The following IL1RAPL2 variants were observed in gnomAD, a reference collection of about 807,000 sequenced individuals.
IL1RAPL2 encodes X-linked interleukin-1 receptor accessory protein-like 2.
A neutral mutation model predicts 44.1 loss-of-function variants in IL1RAPL2; 3 were observed. The ratio of observed to expected loss-of-function variants is 0.07; its 90% CI spans 0.03 to 0.18. The LOEUF is 0.18. IL1RAPL2 is among the 10% of genes least tolerant of loss of function. The probability of loss-of-function intolerance (pLI) is 1.00; values close to 1 mark genes in which losing one functional copy is unlikely to be tolerated. For missense variants in IL1RAPL2, 391 were observed against 496.4 expected (o/e 0.79, Z 2.02); for synonymous variants, 181 against 178.8 (o/e 1.01, Z -0.10).
chrX:104,761,601 G>A (rs1411586189), intron 2 of IL1RAPL2, among the ~76,000 whole-genome samples: 1 of 111,502 alleles, frequency 9.0e-6, no homozygotes, highest in African/African-American at 3.3e-5. Flanking sequence ...AAAAGTCCAT[G>A]TCCAAAGTCT....
chrX:105,045,981 T>G (rs899290723), intron 2 of IL1RAPL2, among the ~76,000 whole-genome samples: 6 of 111,592 alleles, frequency 5.4e-5, no homozygotes, highest in African/African-American at 2.0e-4. Context: ...GTAATGACTA[T>G]GCAAAACATT....
intron 1 of IL1RAPL2, among the ~76,000 whole-genome samples, chrX:104,609,438 A>G (rs1929095760): frequency 1.8e-5 from 2 of 112,067 alleles, no homozygotes. Context: ...AATATCTTGA[A>G]GAGTGTTTTC....
At chrX:105,295,168 G>A (rs2034645257) in intron 5 of IL1RAPL2, among the ~76,000 whole-genome samples, 1 of 111,176 alleles carries the variant, frequency 9.0e-6, no homozygotes, top group African/African-American at 3.3e-5. Flanking sequence ...TTGAAAGCCA[G>A]GACATATAAT....
intron 1 of IL1RAPL2, among the ~76,000 whole-genome samples, chrX:104,621,462 A>G (rs1247432406): frequency 9.2e-6 from 1 of 108,252 alleles, no homozygotes; most frequent in African/African-American, 3.4e-5. Context: ...CCCCTGAGAA[A>G]GTGGTGCAGC....
At chrX:105,616,545 A>C (rs909245199) in intron 6 of IL1RAPL2, among the ~76,000 whole-genome samples, 5 of 111,651 alleles carry the variant, frequency 4.5e-5, no homozygotes, top group African/African-American at 1.6e-4. Context: ...GAAGTTGAGC[A>C]TCTTTCATGT....
At chrX:104,896,025 G>A (rs1392556957) in intron 2 of IL1RAPL2, among the ~76,000 whole-genome samples, 2 of 111,724 alleles carry the variant, frequency 1.8e-5, no homozygotes, top group Non-Finnish European at 3.8e-5. Context: ...ACCTTCTTAG[G>A]GGAGGAGTGT....
intron 1 of IL1RAPL2, among the ~76,000 whole-genome samples, chrX:104,637,298 G>T (rs936685137): frequency 3.6e-5 from 4 of 110,844 alleles, no homozygotes; most frequent in Non-Finnish European, 7.5e-5. Flanking sequence ...GTTCCAATTT[G>T]GATGCATTTT....
At chrX:105,368,860 G>T (rs1040990860) in intron 5 of IL1RAPL2, among the ~76,000 whole-genome samples, 1 of 110,097 alleles carries the variant, frequency 9.1e-6, no homozygotes, top group Non-Finnish European at 1.9e-5. Context: ...CCCTTGGGCT[G>T]TCTTTAATCT....
At chrX:105,012,376 G>A (rs757371582) in intron 2 of IL1RAPL2, among the ~76,000 whole-genome samples, 1 of 110,570 alleles carries the variant, frequency 9.0e-6, no homozygotes, top group African/African-American at 3.3e-5. Context: ...TCTATGGCAA[G>A]GAAGGATACA....
chrX:105,070,217 C>T (rs1251731130), intron 2 of IL1RAPL2, among the ~76,000 whole-genome samples: 1 of 111,736 alleles, frequency 8.9e-6, no homozygotes, highest in African/African-American at 3.3e-5. Flanking sequence ...GTGTGCCATA[C>T]ACTGAGGCAA....
intron 2 of IL1RAPL2, among the ~76,000 whole-genome samples, chrX:104,946,995 A>G (rs1232894932): frequency 3.9e-5 from 4 of 101,274 alleles, no homozygotes; most frequent in Admixed American, 1.1e-4. Flanking sequence ...CGCCACACTG[A>G]CTTCCACAAT....
At chrX:104,667,596 A>G (rs1379014895) in intron 2 of IL1RAPL2, among the ~76,000 whole-genome samples, 2 of 111,695 alleles carry the variant, frequency 1.8e-5, no homozygotes, top group African/African-American at 6.5e-5. Flanking sequence ...TGGCAAAGCC[A>G]GGATTTAAAC....
chrX:105,117,762 C>T (rs1180145031), intron 2 of IL1RAPL2, among the ~76,000 whole-genome samples: 3 of 111,565 alleles, frequency 2.7e-5, no homozygotes, highest in Non-Finnish European at 5.6e-5. Context: ...CCTAGCCATG[C>T]GGAACTGTGA....
At chrX:104,917,717 AG>A (rs1476883914) in intron 2 of IL1RAPL2, among the ~76,000 whole-genome samples, 1 of 112,153 alleles carries the variant, frequency 8.9e-6, no homozygotes, top group Admixed American at 9.5e-5. Context: ...TTTAAACACC[AG>A]GGTTTATAAA....
chrX:104,635,024 T>G (rs1379628150), intron 1 of IL1RAPL2, among the ~76,000 whole-genome samples: 3 of 111,433 alleles, frequency 2.7e-5, no homozygotes, highest in South Asian at 3.8e-4. Context: ...AGGAGCTCTT[T>G]TAGGGCAGGC....
At chrX:105,691,816 T>C (rs1288030406) in intron 6 of IL1RAPL2, among the ~76,000 whole-genome samples, 1 of 111,042 alleles carries the variant, frequency 9.0e-6, no homozygotes, top group African/African-American at 3.3e-5. Flanking sequence ...GAAATGCAAA[T>C]GGAAACAAAA....
intron 4 of IL1RAPL2, among the ~76,000 whole-genome samples, chrX:105,248,655 C>A (rs1049949947): frequency 9.2e-6 from 1 of 108,664 alleles, no homozygotes; most frequent in Non-Finnish European, 1.9e-5. Flanking sequence ...AGGAAAAAAA[C>A]CTAATCTAAT....
intron 2 of IL1RAPL2, among the ~76,000 whole-genome samples, chrX:104,993,025 C>T (rs1033828143): frequency 9.0e-6 from 1 of 111,442 alleles, no homozygotes; most frequent in African/African-American, 3.3e-5. Flanking sequence ...CATTGTAAAT[C>T]GAGCAGAGTC....
intron 1 of IL1RAPL2, among the ~76,000 whole-genome samples, chrX:104,572,777 T>A (rs1928171834): frequency 9.0e-6 from 1 of 111,007 alleles, no homozygotes; most frequent in Non-Finnish European, 1.9e-5. Context: ...TTTTTGTATT[T>A]TTTTTTGTAG....
Sources: gnomAD v4.1 joint callset for allele counts (sites outside exome capture counted in the v4.1 genomes callset) on GRCh38, gnomAD v4.1.1 for gene constraint, MANE v1.5 for transcripts, NCBI Gene and HGNC (gene_info 2026-07-23, HGNC 2026-07-21) for gene names.